Variants in PDE2A observed in about 807,000 individuals in gnomAD.
PDE2A encodes cGMP-dependent 3',5'-cyclic phosphodiesterase.
PDE2A carries 53 observed loss-of-function variants against 133.6 expected under a neutral mutation model. That is an observed-to-expected ratio of 0.40 (90% CI 0.32 to 0.50). The LOEUF is 0.50. PDE2A is among the 20% of genes least tolerant of loss of function. The pLI, the probability that PDE2A is intolerant of heterozygous loss-of-function variation, is 0.73. For missense variants in PDE2A, 796 were observed against 1,232.4 expected (o/e 0.65, Z 5.30); for synonymous variants, 491 against 490.2 (o/e 1.00, Z -0.02).
At chr11:72,637,656 A>G (rs1181230755) in intron 2 of PDE2A, among the ~76,000 whole-genome samples, 2 of 152,204 alleles carry the variant, frequency 1.3e-5, no homozygotes, top group African/African-American at 4.8e-5. Flanking sequence ...AGAGCAAACC[A>G]TCAGTGGAGG....
chr11:72,636,042 C>A (rs1202464782), intron 2 of PDE2A: 4 of 1,274,932 alleles, frequency 3.1e-6, no homozygotes, highest in Non-Finnish European at 4.1e-6. Flanking sequence ...GTAGAGGCAA[C>A]CGTGGATGGG....
chr11:72,642,392 C>A, intron 1 of PDE2A, 66 bp from the exon 2 acceptor site: 2 of 1,298,754 alleles, frequency 1.5e-6, no homozygotes, highest in Non-Finnish European at 2.0e-6. Context: ...CAGCCGCCCG[C>A]CCGCCCGCCG....
intron 6 of PDE2A, among the ~76,000 whole-genome samples, chr11:72,591,906 C>T (rs1856269631): frequency 6.6e-6 from 1 of 152,228 alleles, no homozygotes; most frequent in African/African-American, 2.4e-5. Context: ...TGCAAGCCTC[C>T]ACCTGGCAGG....
intron 2 of PDE2A, chr11:72,631,285 G>A: frequency 1.6e-6 from 1 of 611,096 alleles, no homozygotes; most frequent in Non-Finnish European, 2.9e-6. Context: ...TCTCTCCCAA[G>A]ACTCCCTCCT....
chr11:72,658,487 A>AT (rs1466696885), intron 1 of PDE2A, among the ~76,000 whole-genome samples: 2 of 151,436 alleles, frequency 1.3e-5, no homozygotes, highest in Non-Finnish European at 2.9e-5. Flanking sequence ...CACACCCTAG[A>AT]TTTTTTCTGT....
intron 25 of PDE2A, 22 bp downstream of exon 25, chr11:72,580,555 G>A (rs1305847984): frequency 6.5e-7 from 1 of 1,546,668 alleles, no homozygotes; most frequent in Non-Finnish European, 8.8e-7. Context: ...AAGAAGGACG[G>A]GGTGGGACAG....
At chr11:72,655,495 G>A (rs1292507424) in intron 1 of PDE2A, among the ~76,000 whole-genome samples, 1 of 151,978 alleles carries the variant, frequency 6.6e-6, no homozygotes, top group Admixed American at 6.5e-5. Context: ...GTGCCTGTGT[G>A]TGTGTGTGCA....
At chr11:72,657,042 C>G (rs1309569286) in intron 1 of PDE2A, among the ~76,000 whole-genome samples, 1 of 152,132 alleles carries the variant, frequency 6.6e-6, no homozygotes, top group Non-Finnish European at 1.5e-5. Flanking sequence ...TGTCGCTCCC[C>G]CATCCCACGC....
chr11:72,588,451 T>C (rs948194002), intron 13 of PDE2A, among the ~76,000 whole-genome samples: 6 of 152,204 alleles, frequency 3.9e-5, no homozygotes, highest in Admixed American at 3.3e-4. Context: ...GTGTTGATGA[T>C]GCTTTGTGGG....
chr11:72,585,077 C>T, intron 16 of PDE2A, 133 bp from the exon 17 acceptor site: 1 of 831,396 alleles, frequency 1.2e-6, no homozygotes, highest in Non-Finnish European at 1.9e-6. Context: ...CTGCTCAGGG[C>T]TGGCTGGCTC....
intron 2 of PDE2A, among the ~76,000 whole-genome samples, chr11:72,633,901 G>A (rs1213022059): frequency 6.6e-6 from 1 of 152,180 alleles, no homozygotes; most frequent in Non-Finnish European, 1.5e-5. Flanking sequence ...TGATGCCAAG[G>A]GCAGTGTGCA....
intron 2 of PDE2A, among the ~76,000 whole-genome samples, chr11:72,614,057 C>G (rs1423286029): frequency 1.3e-5 from 2 of 152,278 alleles, no homozygotes; most frequent in Non-Finnish European, 2.9e-5. Flanking sequence ...CTGGCCTCAG[C>G]CCAGCACCCA....
chr11:72,661,643 AGAG>A (rs1855067000), intron 1 of PDE2A, among the ~76,000 whole-genome samples: 1 of 152,224 alleles, frequency 6.6e-6, no homozygotes, highest in African/African-American at 2.4e-5. Flanking sequence ...CCAGGTAAAA[AGAG>A]GAGGGCCTTG....
intron 2 of PDE2A, among the ~76,000 whole-genome samples, chr11:72,613,345 T>C (rs1857303463): frequency 6.6e-6 from 1 of 151,962 alleles, no homozygotes; most frequent in South Asian, 2.1e-4. Context: ...ACTCTGCTTG[T>C]GTTAGGTCCT....
chr11:72,606,455 G>A (rs559210493), intron 3 of PDE2A, among the ~76,000 whole-genome samples: 2 of 152,330 alleles, frequency 1.3e-5, no homozygotes, highest in Admixed American at 1.3e-4. Context: ...GTCATCAGCT[G>A]TCGCCAGCCA....
Position 72,577,555 on chromosome 11 carries a change from G to T in PDE2A, c.2655C>A (p.Tyr885Ter). 1 of 1,607,476 alleles carries T rather than the reference G, an allele frequency of 6.2e-7. No homozygotes were observed. ...QDLFPKAAEL[Y>*]ERVASNREHW... ...GCTCACGGTTGGAGGCCACGCGCTC[G>T]TACAGCTCTGCCGCTTTGGGGAACA... The change falls in exon 31 of 31, where the codon TAC (tyrosine) becomes TAA (stop). Residue 885 changes from tyrosine to a stop codon, truncating the protein, a stop_gained. Coordinates refer to ENST00000334456, the MANE Select transcript of PDE2A (RefSeq NM_002599.5). LOFTEE classifies it high-confidence loss of function.
rs377508168 is a variant in PDE2A at position 72,597,616 on chromosome 11, C to T, written c.327G>A (p.Glu109=). The T allele has an allele frequency of 2.5e-6, 4 of 1,609,864 alleles. No individual in the cohort carries two copies. The African/African-American group carries it at 5.3e-5, about 22-fold the overall frequency. The change falls in exon 5 of 31, where the codon GAG becomes GAA. Residue 109 remains glutamate (E), a synonymous_variant. Transcript: ENST00000334456. The surrounding 1 kb of genome is among the most constrained non-coding windows in gnomAD (Gnocchi z 4.6). The stretch of plus-strand genomic sequence containing the variant: ...CCAGCCGCTTCTGGGAGATGATAGC[C>T]TCCCTGAAAAGAGGACATGATGCCA... The part of the protein sequence containing the change: ...HELPQEGKVR[E]AIISQKRLGC...
Position 72,608,725 on chromosome 11 carries a change from G to T in PDE2A, c.171C>A (p.Val57=). ...LQDALLSLGS[V]IDISGLQRAV... is the part of the protein sequence containing the mutation. ...CACGTTGCAGGCCTGAAATGTCGAT[G>T]ACAGAGCCCAGACTCAGCAAGGCGT... is the stretch of plus-strand genomic sequence containing the variant. The change falls in exon 3 of 31, where the codon GTC becomes GTA. Residue 57 remains valine, a synonymous_variant. Transcript: ENST00000334456. 6.4e-7 allele frequency: 1 copy of T among 1,570,834 alleles called. No homozygotes were observed. The highest frequency in any genetic ancestry group is 8.6e-7 in the Non-Finnish European group (1 of 1,156,768).
At chr11:72,660,545 C>T (rs1855023814) in intron 1 of PDE2A, among the ~76,000 whole-genome samples, 1 of 152,178 alleles carries the variant, frequency 6.6e-6, no homozygotes. Context: ...CTCATTTAAT[C>T]CTCATGGCTG....
Sources: gnomAD v4.1 joint callset for allele counts (sites outside exome capture counted in the v4.1 genomes callset) on GRCh38, gnomAD v4.1.1 for gene constraint, Gnocchi (gnomAD v3.1) non-coding constraint, MANE v1.5 for transcripts, NCBI Gene and HGNC (gene_info 2026-07-23, HGNC 2026-07-21) for gene names.